Variants in INPP5D observed in about 807,000 individuals in gnomAD.
The protein encoded by INPP5D is phosphatidylinositol 3,4,5-trisphosphate 5-phosphatase 1.
INPP5D carries 33 observed loss-of-function variants against 122.9 expected under a neutral mutation model. The ratio of observed to expected loss-of-function variants is 0.27; its 90% CI spans 0.20 to 0.36. The LOEUF (loss-of-function observed/expected upper bound fraction) is 0.36. INPP5D is among the 10% of genes least tolerant of loss of function. The pLI, the probability that INPP5D is intolerant of heterozygous loss-of-function variation, is 1.00. For synonymous variants in INPP5D, 584 were observed against 576.2 expected, an observed-to-expected ratio of 1.01 and a Z score of -0.19; for missense variants, 1,053 against 1,412.7, an observed-to-expected ratio of 0.75 and a Z score of 4.08.
At chr2:233,130,244 C>T (rs984697175) in intron 4 of INPP5D, among the ~76,000 whole-genome samples, 1 of 152,128 alleles carries the variant, frequency 6.6e-6, no homozygotes, top group African/African-American at 2.4e-5. Flanking sequence ...CAGCCAAAAC[C>T]ACTTCCTCCC....
intron 1 of INPP5D, among the ~76,000 whole-genome samples, chr2:233,068,571 G>A (rs1691291952): frequency 6.6e-6 from 1 of 152,132 alleles, no homozygotes; most frequent in Non-Finnish European, 1.5e-5. Flanking sequence ...CTCCAGCCTG[G>A]GCGACAGAGC....
intron 4 of INPP5D, among the ~76,000 whole-genome samples, chr2:233,129,255 T>C (rs1192303417): frequency 6.6e-6 from 1 of 152,240 alleles, no homozygotes; most frequent in Non-Finnish European, 1.5e-5. Context: ...AGTTCTCTGA[T>C]TTGTAAAACA....
rs1465333580 is a variant in INPP5D, at chr2:233,170,262, A to G, written c.1791+98A>G. On this transcript the variant is annotated intron_variant, in intron 15 of 26. Coordinates refer to ENST00000445964, the MANE Select transcript of INPP5D (RefSeq NM_001017915.3). The surrounding 1 kb of genome is among the most constrained non-coding windows in gnomAD (Gnocchi z 4.5). ...GGTGGTCGTGGAGACATGTGAATCA[A>G]GTGGGCTGAGGCGGCTGCTCCCCTT... is the stretch of plus-strand genomic sequence containing the variant. 1 of 1,536,252 alleles carries G rather than the reference A, an allele frequency of 6.5e-7. No individual in the cohort carries two copies. The highest frequency in any genetic ancestry group is 1.4e-5 in the African/African-American group (1 of 72,532).
rs373306002 is a variant in INPP5D at position 233,107,014 on chromosome 2, A to G, written c.199-15093A>G. Among the ~76,000 whole-genome samples, 12 of 152,346 alleles carry G rather than the reference A, an allele frequency of 7.9e-5. No homozygotes were observed. The South Asian group carries it at 1.9e-3, about 24-fold the overall frequency. Reference sequence around the variant, plus strand: ...AGCTGCTTGAATCTTCAAGGAAAGCATGGGCCTGACTCCCATGGCACAGAT... The same window carrying G: ...AGCTGCTTGAATCTTCAAGGAAAGCGTGGGCCTGACTCCCATGGCACAGAT... On this transcript the variant is annotated intron_variant, in intron 2 of 26. Transcript: ENST00000445964.
Position 233,164,179 on chromosome 2 carries a change from CG to C in INPP5D, c.1438-127del, listed in dbSNP as rs1277697289. ...CTATCAAGCATCGCTGGGAGTCCCC[CG>C]AAGGGTTGGGATTACAGACAGGATA... On this transcript the variant is annotated intron_variant, in intron 12 of 26. Coordinates refer to ENST00000445964, the MANE Select transcript of INPP5D (RefSeq NM_001017915.3). This position sits in a 1 kb window ranked among gnomAD's most constrained non-coding sequence, Gnocchi z 4.3. 9.7e-6 allele frequency: 14 copies of C among 1,437,374 alleles called. No individual in the cohort carries two copies. Among genetic ancestry groups the C allele is most frequent in the South Asian group, 1.4e-5 (1 of 69,088 alleles). The allele number at this position is 1,437,374 out of a possible 1,614,324, so 89.0% of individuals were successfully genotyped here.
rs1337906879 is a variant in INPP5D at position 233,128,162 on chromosome 2, C to T, written c.524+2243C>T. Among the ~76,000 whole-genome samples the T allele has an allele frequency of 6.6e-6, 1 of 152,110 alleles. No individual in the cohort carries two copies. The highest frequency in any genetic ancestry group is 1.5e-5 in the Non-Finnish European group (1 of 68,028). On this transcript the variant is annotated intron_variant, in intron 4 of 26. Coordinates refer to ENST00000445964, the MANE Select transcript of INPP5D (RefSeq NM_001017915.3). The surrounding 1 kb of genome is among the most constrained non-coding windows in gnomAD (Gnocchi z 4.5). ...TGTGAACCCGGTTGTGAACTGTGCACTTGAGGGATCTAGGCTGCACGCCTC... is the reference window on the plus strand; with the variant it reads ...TGTGAACCCGGTTGTGAACTGTGCATTTGAGGGATCTAGGCTGCACGCCTC...
At chr2:233,104,002 C>CTGCCTTTTT in intron 2 of INPP5D, among the ~76,000 whole-genome samples, 1 of 131,146 alleles carries the variant, frequency 7.6e-6, no homozygotes, top group Admixed American at 8.1e-5. Flanking sequence ...CCACTGTGCC[C>CTGCCTTTTT]TGCCTTTTTT....
At chr2:233,097,243 G>A (rs1345132033) in intron 2 of INPP5D, among the ~76,000 whole-genome samples, 1 of 152,102 alleles carries the variant, frequency 6.6e-6, no homozygotes, top group Non-Finnish European at 1.5e-5. Context: ...TAATCGAGGT[G>A]GCTTTCTTGT....
At chr2:233,172,841 C>T (rs1279485598) in intron 17 of INPP5D, among the ~76,000 whole-genome samples, 1 of 152,154 alleles carries the variant, frequency 6.6e-6, no homozygotes, top group African/African-American at 2.4e-5. Context: ...TTACTGAATA[C>T]TGTGGGCAAC....
intron 2 of INPP5D, among the ~76,000 whole-genome samples, chr2:233,098,195 G>C (rs1376260611): frequency 6.6e-6 from 1 of 152,118 alleles, no homozygotes; most frequent in Non-Finnish European, 1.5e-5. Flanking sequence ...ACCCGGCCTT[G>C]GTTGTCTCAC....
intron 2 of INPP5D, among the ~76,000 whole-genome samples, chr2:233,116,547 C>G (rs1692802495): frequency 6.6e-6 from 1 of 151,922 alleles, no homozygotes; most frequent in Admixed American, 6.6e-5. Context: ...CTCGGCCTCT[C>G]AAAGTGCTGG....
intron 18 of INPP5D, among the ~76,000 whole-genome samples, chr2:233,179,955 C>T (rs551704253): frequency 1.3e-5 from 2 of 152,286 alleles, no homozygotes; most frequent in South Asian, 2.1e-4. Context: ...TTGGACTGCT[C>T]ACCTCTGCTC....
intron 25 of INPP5D, among the ~76,000 whole-genome samples, chr2:233,203,636 A>T (rs1217829002): frequency 6.6e-6 from 1 of 152,220 alleles, no homozygotes; most frequent in East Asian, 1.9e-4. Flanking sequence ...TTATGCCCAT[A>T]ATCCCAGCAC....
intron 1 of INPP5D, among the ~76,000 whole-genome samples, chr2:233,069,762 T>G (rs1691326351): frequency 6.6e-6 from 1 of 152,248 alleles, no homozygotes; most frequent in Admixed American, 6.5e-5. Flanking sequence ...ATATTTAAGT[T>G]ATCAACAGCA....
At chr2:233,178,896 C>A (rs1328944982) in intron 18 of INPP5D, among the ~76,000 whole-genome samples, 1 of 152,174 alleles carries the variant, frequency 6.6e-6, no homozygotes, top group Non-Finnish European at 1.5e-5. Context: ...CGCTGGCCAC[C>A]TTTGTGGCTC....
chr2:233,114,151 G>A (rs1218459007), intron 2 of INPP5D, among the ~76,000 whole-genome samples: 7 of 152,156 alleles, frequency 4.6e-5, no homozygotes, highest in African/African-American at 1.4e-4. Context: ...CTTGTGATCT[G>A]CCCGCCTCGG....
At chr2:233,130,299 G>A (rs935986255) in intron 4 of INPP5D, among the ~76,000 whole-genome samples, 1 of 151,972 alleles carries the variant, frequency 6.6e-6, no homozygotes, top group South Asian at 2.1e-4. Flanking sequence ...TTTCCTGCTG[G>A]GCCACTTCTT....
intron 9 of INPP5D, among the ~76,000 whole-genome samples, chr2:233,156,913 C>G (rs780446387): frequency 6.6e-6 from 1 of 152,192 alleles, no homozygotes; most frequent in Non-Finnish European, 1.5e-5. Flanking sequence ...AGAAAGCCAG[C>G]CTTTCAAGCA....
In INPP5D at chr2:233,100,990, C is replaced by T. The variant is rs1450823793; in HGVS notation, c.199-21117C>T. ...TCCCCTCCGTGTGCCCCCAACGAGT[C>T]ATTCACCATCTTGTGCTAACTGCAT... On this transcript the variant is annotated intron_variant, in intron 2 of 26. Transcript: ENST00000445964. This position sits in a 1 kb window ranked among gnomAD's most constrained non-coding sequence, Gnocchi z 5.3. 7.6e-6 allele frequency among the ~76,000 whole-genome samples: 1 copy of T among 132,402 alleles called. No homozygotes were observed. Among genetic ancestry groups the T allele is most frequent in the Non-Finnish European group, 1.6e-5 (1 of 63,336 alleles). The allele number at this position is 132,402 out of a possible 152,430, so 86.9% of individuals were successfully genotyped here.
Sources: gnomAD v4.1 joint callset for allele counts (sites outside exome capture counted in the v4.1 genomes callset) on GRCh38, gnomAD v4.1.1 for gene constraint, Gnocchi (gnomAD v3.1) non-coding constraint, MANE v1.5 for transcripts, NCBI Gene and HGNC (gene_info 2026-07-23, HGNC 2026-07-21) for gene names.